ROBO1: variants seen among roughly 807,000 people sequenced by gnomAD.
ROBO1 encodes the protein roundabout guidance receptor 1.
Under a neutral mutation model 195.9 loss-of-function variants are expected in ROBO1, and 149 were observed. The observed-to-expected ratio is 0.76, with a 90% CI of 0.67 to 0.87. ROBO1 has a LOEUF of 0.87. Among genes scored for constraint, ROBO1 ranks in the 40% least tolerant of loss-of-function variants. ROBO1 has a pLI of 0.00. For synonymous variants in ROBO1, 816 were observed against 733.2 expected (o/e 1.11, Z -1.82); for missense variants, 1,933 against 2,068.3 (o/e 0.93, Z 1.27).
chr3:79,580,055 T>G (rs1369267689), intron 2 of ROBO1, among the ~76,000 whole-genome samples: 1 of 152,164 alleles, frequency 6.6e-6, no homozygotes, highest in Non-Finnish European at 1.5e-5. Flanking sequence ...TGATAAATTA[T>G]ATATTCTATA....
At chr3:78,957,530 T>C (rs2041111590) in intron 3 of ROBO1, among the ~76,000 whole-genome samples, 1 of 152,306 alleles carries the variant, frequency 6.6e-6, no homozygotes, top group African/African-American at 2.4e-5. Context: ...CAGAACTGCA[T>C]GCAACACGGT....
chr3:78,981,723 C>T (rs2076994400), intron 3 of ROBO1, among the ~76,000 whole-genome samples: 1 of 151,570 alleles, frequency 6.6e-6, no homozygotes, highest in Admixed American at 6.6e-5. Context: ...GCTTGAAGGC[C>T]GCCTCAGAAC....
At chr3:79,558,193 GCCTTCC>G (rs1942781812) in intron 2 of ROBO1, among the ~76,000 whole-genome samples, 1 of 151,928 alleles carries the variant, frequency 6.6e-6, no homozygotes, top group South Asian at 2.1e-4. Context: ...TGCCTCTCCT[GCCTTCC>G]CCTTCCAACT....
intron 2 of ROBO1, among the ~76,000 whole-genome samples, chr3:79,386,313 A>G (rs1316137184): frequency 6.6e-6 from 1 of 152,122 alleles, no homozygotes; most frequent in African/African-American, 2.4e-5. Context: ...AAACTCAATG[A>G]CTATGTAATG....
chr3:78,661,048 C>G lies in ROBO1; in HGVS notation c.2302G>C (p.Ala768Pro). ...FQGADSEIKFAKTLEEAPSAP... is the reference protein window; with the variant it reads ...FQGADSEIKFPKTLEEAPSAP... The stretch of plus-strand genomic sequence containing the variant: ...TACTTGCCTTCTTCCAGGGTTTTGG[C>G]AAACTTGATTTCACTATCTGCTCCT... The change falls in exon 16 of 31, where the codon GCC becomes CCC. Residue 768 changes from alanine (A) to proline (P), a missense_variant. Transcript: ENST00000464233. 1 of 1,612,218 alleles carries G rather than the reference C, an allele frequency of 6.2e-7. No homozygotes were observed. Among genetic ancestry groups the G allele is most frequent in the Non-Finnish European group, 8.5e-7 (1 of 1,178,934 alleles).
intron 1 of ROBO1, among the ~76,000 whole-genome samples, chr3:79,754,201 G>A (rs1192265423): frequency 6.6e-6 from 1 of 152,190 alleles, no homozygotes; most frequent in Non-Finnish European, 1.5e-5. Context: ...GGAAATGGTT[G>A]TCTCTGAAGA....
chr3:79,502,921 C>T (rs940890080), intron 2 of ROBO1, among the ~76,000 whole-genome samples: 8 of 151,888 alleles, frequency 5.3e-5, no homozygotes, highest in East Asian at 3.9e-4. Flanking sequence ...CCTGTGAAAA[C>T]GGACCAATCA....
intron 3 of ROBO1, among the ~76,000 whole-genome samples, chr3:78,973,937 T>C (rs1440603907): frequency 2.6e-5 from 4 of 152,040 alleles, no homozygotes; most frequent in African/African-American, 9.7e-5. Flanking sequence ...TCCTTACAAA[T>C]ACGTAATCAG....
intron 4 of ROBO1, among the ~76,000 whole-genome samples, chr3:78,934,834 TAAC>T (rs1227500400): frequency 6.6e-6 from 1 of 151,918 alleles, no homozygotes; most frequent in Non-Finnish European, 1.5e-5. Context: ...TATTTTATAA[TAAC>T]ATATTCTATT....
chr3:79,342,549 G>A (rs904261689), intron 2 of ROBO1, among the ~76,000 whole-genome samples: 6 of 152,080 alleles, frequency 3.9e-5, no homozygotes, highest in African/African-American at 9.7e-5. Context: ...TGATGACTGG[G>A]AATGAGCATT....
chr3:79,201,663 G>A (rs1208630547), intron 2 of ROBO1, among the ~76,000 whole-genome samples: 1 of 151,882 alleles, frequency 6.6e-6, no homozygotes. Flanking sequence ...TTTCTGGATT[G>A]TAACATTGGA....
chr3:79,166,605 G>T (rs1189468687), intron 2 of ROBO1, among the ~76,000 whole-genome samples: 7 of 142,444 alleles, frequency 4.9e-5, no homozygotes, highest in African/African-American at 1.9e-4. Context: ...TAGCTCTGTC[G>T]CACAGGCTGG....
chr3:79,604,356 C>T (rs750271672), intron 1 of ROBO1, among the ~76,000 whole-genome samples: 6 of 151,908 alleles, frequency 3.9e-5, no homozygotes, highest in Non-Finnish European at 7.4e-5. Context: ...GCATACTAAA[C>T]GGAAGCATTT....
intron 4 of ROBO1, among the ~76,000 whole-genome samples, chr3:78,781,541 G>A (rs2083678425): frequency 1.3e-5 from 2 of 152,154 alleles, no homozygotes; most frequent in East Asian, 3.9e-4. Flanking sequence ...ATCCCTTTAA[G>A]TGGTTCTTAT....
chr3:79,128,542 C>T (rs539850317), intron 2 of ROBO1, among the ~76,000 whole-genome samples: 13 of 152,144 alleles, frequency 8.5e-5, no homozygotes, highest in African/African-American at 2.4e-4. Flanking sequence ...CTATGCAAAG[C>T]GGGGATAAAA....
At chr3:78,870,938 C>A (rs331144) in intron 4 of ROBO1, among the ~76,000 whole-genome samples, 1 of 151,996 alleles carries the variant, frequency 6.6e-6, no homozygotes, top group East Asian at 1.9e-4. Flanking sequence ...TAAAAATAAC[C>A]ACACATGCTT....
intron 2 of ROBO1, among the ~76,000 whole-genome samples, chr3:79,581,893 T>TTTTTATTTGTTACATACAACAAATA (rs1943673723): frequency 6.6e-6 from 1 of 152,036 alleles, no homozygotes; most frequent in South Asian, 2.1e-4. Flanking sequence ...ACAAATATGT[T>TTTTTATTTGTTACATACAACAAATA]TGTAGTCATT....
chr3:79,423,453 A>G (rs1026885730), intron 2 of ROBO1, among the ~76,000 whole-genome samples: 1 of 152,176 alleles, frequency 6.6e-6, no homozygotes, highest in African/African-American at 2.4e-5. Flanking sequence ...TGAAATCTCA[A>G]GCGACAGCTT....
At chr3:79,217,446 C>T (rs1297839062) in intron 2 of ROBO1, among the ~76,000 whole-genome samples, 1 of 151,944 alleles carries the variant, frequency 6.6e-6, no homozygotes, top group Non-Finnish European at 1.5e-5. Context: ...CCCTAAGGAA[C>T]TTATTCTGCA....
Sources: gnomAD v4.1 joint callset for allele counts (sites outside exome capture counted in the v4.1 genomes callset) on GRCh38, gnomAD v4.1.1 for gene constraint, MANE v1.5 for transcripts, NCBI Gene and HGNC (gene_info 2026-07-23, HGNC 2026-07-21) for gene names.